The following CSMD2 variants were observed in gnomAD, a reference collection of about 807,000 sequenced individuals.
The protein encoded by CSMD2 is CUB and Sushi multiple domains 2.
A neutral mutation model predicts 398.5 loss-of-function variants in CSMD2; 130 were observed. That is an observed-to-expected ratio of 0.33 (90% CI 0.28 to 0.38). The LOEUF (loss-of-function observed/expected upper bound fraction) is 0.38. Ranked by LOEUF, CSMD2 falls within the 10% of genes least tolerant of loss-of-function variation. CSMD2 has a pLI of 1.00. For synonymous variants in CSMD2, 1,828 were observed against 1,908.5 expected, an observed-to-expected ratio of 0.96 and a Z score of 1.10; for missense variants, 3,829 against 4,764.9, an observed-to-expected ratio of 0.80 and a Z score of 5.78.
intron 1 of CSMD2, among the ~76,000 whole-genome samples, chr1:34,092,549 G>C (rs958214810): frequency 6.6e-5 from 10 of 152,010 alleles, no homozygotes; most frequent in Admixed American, 6.5e-4. Context: ...CAGTGGGTGC[G>C]CGCACCGTGC....
chr1:33,532,331 T>G (rs1655316248), intron 64 of CSMD2, among the ~76,000 whole-genome samples: 1 of 152,228 alleles, frequency 6.6e-6, no homozygotes, highest in South Asian at 2.1e-4. Flanking sequence ...GCACAATGCC[T>G]GGTATCTGGT....
rs199932348 is a variant in CSMD2, at chr1:33,542,760, C to G, written c.9237G>C (p.Ser3079=). 1 of 1,614,008 alleles carries G rather than the reference C, an allele frequency of 6.2e-7. No individual in the cohort carries two copies. The change falls in exon 58 of 71, where the codon TCG becomes TCC. Residue 3079 remains serine (S), a synonymous_variant. Coordinates refer to ENST00000373381, the MANE Select transcript of CSMD2 (RefSeq NM_001281956.2). ...CACTGCCTGTCCAGGTACCATTGAC[C>G]GAGCAGTGACGGCTGAGCAGGCCTG... is the stretch of plus-strand genomic sequence containing the variant. ...YATGLLSRHC[S]VNGTWTGSDP...
chr1:33,793,086 C>T (rs1031696729), intron 10 of CSMD2, among the ~76,000 whole-genome samples: 3 of 152,188 alleles, frequency 2.0e-5, no homozygotes, highest in Non-Finnish European at 4.4e-5. Context: ...CCAGGCTGGG[C>T]GGTGGGTTTC....
At chr1:33,837,391 A>AT (rs200556453) in intron 6 of CSMD2, among the ~76,000 whole-genome samples, 15 of 137,076 alleles carry the variant, frequency 1.1e-4, no homozygotes, top group South Asian at 2.8e-4. Context: ...TTGTACATGG[A>AT]TTTTTTTTCA....
At chr1:33,794,166 C>G (rs1284758818) in intron 10 of CSMD2, among the ~76,000 whole-genome samples, 2 of 152,190 alleles carry the variant, frequency 1.3e-5, no homozygotes, top group Non-Finnish European at 2.9e-5. Context: ...GAGCCTTACC[C>G]CAAGGTGCTT....
chr1:33,823,125 C>A (rs932571249), intron 7 of CSMD2, among the ~76,000 whole-genome samples: 1 of 152,086 alleles, frequency 6.6e-6, no homozygotes, highest in Non-Finnish European at 1.5e-5. Flanking sequence ...GCCCACCCGC[C>A]AAGCCACAAG....
At chr1:33,831,664 T>C (rs1659579828) in intron 6 of CSMD2, among the ~76,000 whole-genome samples, 1 of 151,836 alleles carries the variant, frequency 6.6e-6, no homozygotes, top group Admixed American at 6.6e-5. Context: ...CATAACAATA[T>C]TAACCTTAAA....
chr1:33,976,368 G>A (rs546441970), intron 3 of CSMD2, among the ~76,000 whole-genome samples: 1 of 152,300 alleles, frequency 6.6e-6, no homozygotes, highest in South Asian at 2.1e-4. Context: ...AACCCACCTG[G>A]GGATTCCCAG....
chr1:33,517,848 G>A (rs532363142), intron 70 of CSMD2, among the ~76,000 whole-genome samples: 4 of 152,130 alleles, frequency 2.6e-5, no homozygotes, highest in Admixed American at 6.5e-5. Flanking sequence ...AGTAAAGCAC[G>A]TCAGGGGCTG....
intron 28 of CSMD2, among the ~76,000 whole-genome samples, chr1:33,651,246 T>C (rs1643737969): frequency 6.6e-6 from 1 of 151,900 alleles, no homozygotes; most frequent in Non-Finnish European, 1.5e-5. Flanking sequence ...GAAGAGGAAA[T>C]ACATGAGGAG....
At chr1:34,067,305 G>A (rs980496451) in intron 2 of CSMD2, among the ~76,000 whole-genome samples, 1 of 152,116 alleles carries the variant, frequency 6.6e-6, no homozygotes, top group Non-Finnish European at 1.5e-5. Flanking sequence ...AACAGACATG[G>A]GCACAGATTT....
intron 67 of CSMD2, 79 bp from the exon 68 acceptor site, chr1:33,521,629 C>G (rs979085754): frequency 3.3e-6 from 3 of 917,042 alleles, no homozygotes; most frequent in Non-Finnish European, 5.5e-6. Flanking sequence ...ATACACGCTG[C>G]CCAGCAGGTC....
intron 13 of CSMD2, among the ~76,000 whole-genome samples, chr1:33,744,945 C>A (rs1227809743): frequency 1.3e-5 from 2 of 152,166 alleles, no homozygotes; most frequent in Non-Finnish European, 2.9e-5. Context: ...TACTCAAAGA[C>A]TGACTCAGTA....
intron 1 of CSMD2, among the ~76,000 whole-genome samples, chr1:34,109,391 C>T (rs1660824668): frequency 6.6e-6 from 1 of 152,188 alleles, no homozygotes; most frequent in African/African-American, 2.4e-5. Flanking sequence ...GTCAGTATGG[C>T]CCTGGCTCAG....
intron 3 of CSMD2, among the ~76,000 whole-genome samples, chr1:33,959,938 G>A (rs906792061): frequency 1.5e-4 from 23 of 152,186 alleles, no homozygotes; most frequent in African/African-American, 2.4e-5. Context: ...CATTCCTGCT[G>A]GATCCTAGCA....
At chr1:33,594,054 T>C (rs993096084) in intron 44 of CSMD2, among the ~76,000 whole-genome samples, 2 of 152,196 alleles carry the variant, frequency 1.3e-5, no homozygotes, top group Non-Finnish European at 2.9e-5. Context: ...TATAAAATAA[T>C]TATTTGTAGT....
chr1:33,902,517 T>C (rs1642822020), intron 5 of CSMD2, among the ~76,000 whole-genome samples: 2 of 152,236 alleles, frequency 1.3e-5, no homozygotes, highest in Non-Finnish European at 2.9e-5. Context: ...TCCCTGGGCA[T>C]GCTGACTTAT....
At chr1:33,812,312 T>C (rs1324891259) in intron 9 of CSMD2, among the ~76,000 whole-genome samples, 1 of 152,204 alleles carries the variant, frequency 6.6e-6, no homozygotes, top group African/African-American at 2.4e-5. Flanking sequence ...TTGGGACAGG[T>C]CTGTTACCTC....
At chr1:33,782,091 G>A (rs554295793) in intron 12 of CSMD2, among the ~76,000 whole-genome samples, 55 of 152,298 alleles carry the variant, frequency 3.6e-4, no homozygotes, top group African/African-American at 1.3e-3. Context: ...GCAGCCAGAT[G>A]TGCCTAAGGG....
Sources: gnomAD v4.1 joint callset for allele counts (sites outside exome capture counted in the v4.1 genomes callset) on GRCh38, gnomAD v4.1.1 for gene constraint, MANE v1.5 for transcripts, NCBI Gene and HGNC (gene_info 2026-07-23, HGNC 2026-07-21) for gene names.